SESTD1: variants seen among roughly 807,000 people sequenced by gnomAD.
The protein encoded by SESTD1 is SEC14 and spectrin domain containing 1, also known as SEC14 domain and spectrin repeat-containing protein 1.
In SESTD1, 43 loss-of-function variants were observed where a neutral mutation model predicts 101.7. The observed-to-expected ratio is 0.42, with a 90% CI of 0.33 to 0.55. SESTD1 has a LOEUF of 0.55. Ranked by LOEUF, SESTD1 falls within the 20% of genes least tolerant of loss-of-function variation. SESTD1 has a pLI of 0.07. For missense variants in SESTD1, 647 were observed against 815.1 expected (o/e 0.79, Z 2.51); for synonymous variants, 283 against 286.8 (o/e 0.99, Z 0.13).
At chr2:179,252,099 T>C (rs985144671) in intron 1 of SESTD1, among the ~76,000 whole-genome samples, 16 of 152,214 alleles carry the variant, frequency 1.1e-4, no homozygotes, top group Non-Finnish European at 2.9e-5. Context: ...CTGATAGGCT[T>C]AAATATTCTC....
At chr2:179,195,222 A>G (rs776951912) in intron 1 of SESTD1, among the ~76,000 whole-genome samples, 9 of 152,270 alleles carry the variant, frequency 5.9e-5, no homozygotes, top group Non-Finnish European at 1.3e-4. Context: ...TGTAATCTCC[A>G]TATGTAGAGT....
chr2:179,255,882 C>T (rs73029943), intron 1 of SESTD1, among the ~76,000 whole-genome samples: 95 of 152,346 alleles, frequency 6.2e-4, no homozygotes, highest in African/African-American at 2.2e-3. Context: ...AGCCGATGCT[C>T]GTTTACCATT....
Position 179,182,665 on chromosome 2 carries a change from A to T in SESTD1, c.164+415T>A, listed in dbSNP as rs538148776. On this transcript the variant is annotated intron_variant, in intron 3 of 17. Coordinates refer to ENST00000428443, the MANE Select transcript of SESTD1 (RefSeq NM_178123.5). ...TAAACAAACATTTTTGACATTTTTT[A>T]AAATAAAAATATTTATAAACTCCTA... 5.3e-5 allele frequency among the ~76,000 whole-genome samples: 8 copies of T among 152,304 alleles called. No individual in the cohort carries two copies. The East Asian group carries it at 1.3e-3, about 26-fold the overall frequency.
chr2:179,197,797 C>T (rs1265099586), intron 1 of SESTD1, among the ~76,000 whole-genome samples: 1 of 151,936 alleles, frequency 6.6e-6, no homozygotes, highest in Non-Finnish European at 1.5e-5. Flanking sequence ...CCTAGAAGAG[C>T]TCTTGAAGGA....
At chr2:179,128,933 G>A (rs1228982907) in intron 10 of SESTD1, among the ~76,000 whole-genome samples, 1 of 152,112 alleles carries the variant, frequency 6.6e-6, no homozygotes, top group East Asian at 1.9e-4. Flanking sequence ...AGGGCTTGAA[G>A]GTTCACATTT....
At chr2:179,181,755 AT>A (rs1306284406) in intron 3 of SESTD1, among the ~76,000 whole-genome samples, 1 of 152,074 alleles carries the variant, frequency 6.6e-6, no homozygotes, top group African/African-American at 2.4e-5. Flanking sequence ...ATCTATGAAT[AT>A]TTTTTTCATA....
intron 1 of SESTD1, among the ~76,000 whole-genome samples, chr2:179,236,389 T>C (rs1048322757): frequency 2.0e-5 from 3 of 150,194 alleles, no homozygotes; most frequent in Non-Finnish European, 4.4e-5. Context: ...CCTAGCTACT[T>C]GCGAGGCTGA....
chr2:179,109,389 T>A lies in SESTD1; in HGVS notation c.*510A>T. 4.0e-6 allele frequency: 1 copy of A among 249,428 alleles called. No homozygotes were observed. Among genetic ancestry groups the A allele is most frequent in the East Asian group, 7.2e-5 (1 of 13,950 alleles). The allele number at this position is 249,428 out of a possible 1,614,324, so 15.5% of individuals were successfully genotyped here. On this transcript the variant is annotated 3_prime_UTR_variant, in exon 18 of 18. Transcript: ENST00000428443. ...ATAGGAAAAGGTCTTTTAATGACTA[T>A]GATATATCAAAGATCTGAAAGGCTT...
At chr2:179,232,911 A>G (rs1323016015) in intron 1 of SESTD1, among the ~76,000 whole-genome samples, 1 of 152,202 alleles carries the variant, frequency 6.6e-6, no homozygotes, top group Admixed American at 6.5e-5. Context: ...GGGATGGAGA[A>G]GATGAGTGGA....
intron 10 of SESTD1, among the ~76,000 whole-genome samples, chr2:179,130,158 A>G (rs1365710613): frequency 1.3e-5 from 2 of 152,164 alleles, no homozygotes; most frequent in African/African-American, 2.4e-5. Context: ...TAGCTTAACC[A>G]TATCTGTAAA....
At chr2:179,241,766 C>T (rs2047157166) in intron 1 of SESTD1, among the ~76,000 whole-genome samples, 1 of 151,754 alleles carries the variant, frequency 6.6e-6, no homozygotes, top group Admixed American at 6.5e-5. Flanking sequence ...ACTAAAAATA[C>T]AAAAAATTAG....
At chr2:179,251,857 T>C (rs1256164312) in intron 1 of SESTD1, among the ~76,000 whole-genome samples, 2 of 152,230 alleles carry the variant, frequency 1.3e-5, no homozygotes, top group Non-Finnish European at 2.9e-5. Flanking sequence ...TCTGCCGTGC[T>C]TGGATCCTAG....
intron 1 of SESTD1, among the ~76,000 whole-genome samples, chr2:179,223,732 A>T (rs183561732): frequency 1.3e-5 from 2 of 152,296 alleles, no homozygotes; most frequent in Admixed American, 6.5e-5. Flanking sequence ...ACAATAAAAG[A>T]CTAAATGGAT....
chr2:179,201,939 A>AATT lies in SESTD1; in HGVS notation c.-25-10074_-25-10073insAAT, dbSNP rs1234148686. ...AAAGTATAATAATAATAATAATAAT[A>AATT]ATAATAATAATAATAATAAAGAAAG... On this transcript the variant is annotated intron_variant, in intron 1 of 17. Transcript: ENST00000428443. Among the ~76,000 whole-genome samples the AATT allele has an allele frequency of 1.6e-5, 2 of 127,462 alleles. 1 individual carries two copies. The highest frequency in any genetic ancestry group is 3.3e-5 in the Non-Finnish European group (2 of 60,976). The allele number at this position is 127,462 out of a possible 152,430, so 83.6% of individuals were successfully genotyped here. A position where few individuals can be genotyped will look rare whatever the true frequency, so the allele number is the denominator to read the frequency against.
At chr2:179,154,098 A>C (rs935480866) in intron 5 of SESTD1, among the ~76,000 whole-genome samples, 2 of 150,396 alleles carry the variant, frequency 1.3e-5, no homozygotes, top group East Asian at 1.9e-4. Context: ...AAAAAAAAAA[A>C]GGTGTGTACT....
chr2:179,199,058 G>A (rs527394766), intron 1 of SESTD1, among the ~76,000 whole-genome samples: 14 of 152,054 alleles, frequency 9.2e-5, no homozygotes, highest in African/African-American at 1.7e-4. Flanking sequence ...TAGAGCGCTA[G>A]CAAGACTAAT....
At chr2:179,162,227 T>TC (rs1309092123) in intron 5 of SESTD1, among the ~76,000 whole-genome samples, 1 of 151,992 alleles carries the variant, frequency 6.6e-6, no homozygotes, top group Non-Finnish European at 1.5e-5. Flanking sequence ...CTGAAAGTTT[T>TC]CCAATTAATA....
At chr2:179,132,242 T>C (rs2045029030) in intron 10 of SESTD1, 62 bp downstream of exon 10, 1 of 1,484,634 alleles carries the variant, frequency 6.7e-7, no homozygotes, top group African/African-American at 1.5e-5. Context: ...CAGTACCACA[T>C]ATGCTACTAA....
At chr2:179,135,245 A>G (rs963465538) in intron 9 of SESTD1, among the ~76,000 whole-genome samples, 3 of 151,778 alleles carry the variant, frequency 2.0e-5, no homozygotes, top group Admixed American at 2.0e-4. Context: ...CCCCCGGCCC[A>G]AACTGACTAT....
Sources: gnomAD v4.1 joint callset for allele counts (sites outside exome capture counted in the v4.1 genomes callset) on GRCh38, gnomAD v4.1.1 for gene constraint, MANE v1.5 for transcripts, NCBI Gene and HGNC (gene_info 2026-07-23, HGNC 2026-07-21) for gene names.